Variants in ATG10 observed in about 807,000 individuals in gnomAD.
ATG10 encodes autophagy related 10.
A neutral mutation model predicts 32.1 loss-of-function variants in ATG10; 30 were observed. That is an observed-to-expected ratio of 0.94 (90% confidence interval 0.70 to 1.27). The LOEUF is 1.27. Ranked by LOEUF, ATG10 falls within the 50% of genes most tolerant of loss-of-function variation. ATG10 has a pLI of 0.00. For synonymous variants in ATG10, 87 were observed against 91.5 expected, an observed-to-expected ratio of 0.95 and a Z score of 0.28; for missense variants, 233 against 262.3, an observed-to-expected ratio of 0.89 and a Z score of 0.77.
chr5:82,100,023 T>TTTG (rs1765212441), intron 3 of ATG10, among the ~76,000 whole-genome samples: 1 of 142,520 alleles, frequency 7.0e-6, no homozygotes, highest in African/African-American at 2.6e-5. Flanking sequence ...TTTTTTTTTT[T>TTTG]TTTGAGCTGG....
intron 3 of ATG10, among the ~76,000 whole-genome samples, chr5:82,102,984 CAATT>C (rs1442265883): frequency 3.9e-5 from 6 of 152,128 alleles, no homozygotes; most frequent in East Asian, 1.9e-4. Context: ...CTAAAGATGA[CAATT>C]TATTTTTTTT....
intron 3 of ATG10, among the ~76,000 whole-genome samples, chr5:82,104,975 T>C (rs183286247): frequency 9.9e-5 from 15 of 152,258 alleles, no homozygotes; most frequent in Non-Finnish European, 1.6e-4. Context: ...TTGTGATCAG[T>C]TTATGCTGCA....
chr5:81,984,620 C>A (rs1324601951), intron 1 of ATG10, among the ~76,000 whole-genome samples: 1 of 152,176 alleles, frequency 6.6e-6, no homozygotes, highest in Admixed American at 6.5e-5. Context: ...ATTATTCTTG[C>A]CATTATTGCT....
chr5:82,083,751 C>T (rs1236021479), intron 3 of ATG10, among the ~76,000 whole-genome samples: 2 of 152,236 alleles, frequency 1.3e-5, no homozygotes, highest in East Asian at 1.9e-4. Flanking sequence ...AACAGACCTG[C>T]AGTTGAGGGT....
At chr5:82,076,397 T>C (rs1764274093) in intron 3 of ATG10, among the ~76,000 whole-genome samples, 1 of 152,236 alleles carries the variant, frequency 6.6e-6, no homozygotes, top group African/African-American at 2.4e-5. Context: ...AACAGTATTA[T>C]TATTTTTGTG....
intron 2 of ATG10, among the ~76,000 whole-genome samples, chr5:82,020,974 TC>T (rs200787194): frequency 0.03 from 4,567 of 152,096 alleles, 99 homozygotes; most frequent in Middle Eastern, 0.051. Context: ...GGAGTAGAGG[TC>T]CCTTATAAAC....
chr5:82,248,379 C>T (rs1033932759), intron 5 of ATG10, among the ~76,000 whole-genome samples: 1 of 152,208 alleles, frequency 6.6e-6, no homozygotes, highest in Non-Finnish European at 1.5e-5. Flanking sequence ...GCCAGCCCCT[C>T]TGGCTACACA....
intron 3 of ATG10, among the ~76,000 whole-genome samples, chr5:82,072,865 G>A (rs1049742981): frequency 6.6e-6 from 1 of 152,126 alleles, no homozygotes; most frequent in Admixed American, 6.6e-5. Context: ...TAATGTTATG[G>A]ATAATTACAT....
chr5:82,234,079 G>A (rs959508741), intron 5 of ATG10, among the ~76,000 whole-genome samples: 2 of 152,102 alleles, frequency 1.3e-5, no homozygotes, highest in South Asian at 2.1e-4. Flanking sequence ...AGATAAGGGC[G>A]ATTTTAGTAA....
chr5:82,008,909 A>T (rs907624447), intron 2 of ATG10, among the ~76,000 whole-genome samples: 1 of 152,220 alleles, frequency 6.6e-6, no homozygotes, highest in Non-Finnish European at 1.5e-5. Flanking sequence ...AAATGTATTA[A>T]TTTATAATAA....
chr5:82,131,109 A>G (rs958560551), intron 3 of ATG10, among the ~76,000 whole-genome samples: 13 of 152,140 alleles, frequency 8.5e-5, no homozygotes, highest in African/African-American at 3.1e-4. Flanking sequence ...AAAACTACCT[A>G]TCAGGAACTA....
chr5:82,205,095 GT>G (rs1255431226), intron 5 of ATG10, among the ~76,000 whole-genome samples: 2 of 152,196 alleles, frequency 1.3e-5, no homozygotes, highest in African/African-American at 4.8e-5. Context: ...CTGGAGGCAT[GT>G]TTTTTGTTTG....
At chr5:82,041,761 A>T (rs1255049571) in intron 2 of ATG10, among the ~76,000 whole-genome samples, 1 of 151,942 alleles carries the variant, frequency 6.6e-6, no homozygotes, top group Admixed American at 6.6e-5. Context: ...TTTTTAGGCC[A>T]CTTATGTCTC....
intron 2 of ATG10, among the ~76,000 whole-genome samples, chr5:82,015,645 A>G (rs937616748): frequency 1.3e-5 from 2 of 152,166 alleles, no homozygotes; most frequent in African/African-American, 4.8e-5. Flanking sequence ...TGCATTCATC[A>G]TATAGTTCTC....
intron 5 of ATG10, among the ~76,000 whole-genome samples, chr5:82,181,100 T>C (rs1212056034): frequency 6.6e-6 from 1 of 152,110 alleles, no homozygotes; most frequent in African/African-American, 2.4e-5. Flanking sequence ...CGTAGTACGG[T>C]ATTACAGATC....
At position 82,001,296 on chromosome 5, in the gene ATG10, A is replaced by G. The variant is rs115909044; in HGVS notation, c.108+13618A>G. On this transcript the variant is annotated intron_variant, in intron 2 of 7. Coordinates refer to ENST00000282185, the MANE Select transcript of ATG10 (RefSeq NM_031482.5). ...GACATTCTTCAGAGAATTAGAAAAA[A>G]CAGTTTTAAAATTCATATGGAACCA... 3.2e-3 allele frequency among the ~76,000 whole-genome samples: 486 copies of G among 152,294 alleles called. 1 individual carries two copies. The highest frequency in any genetic ancestry group is 0.011 in the African/African-American group (463 of 41,570).
chr5:82,211,894 C>A (rs1274401701), intron 5 of ATG10, among the ~76,000 whole-genome samples: 1 of 151,700 alleles, frequency 6.6e-6, no homozygotes, highest in Non-Finnish European at 1.5e-5. Flanking sequence ...GGCCAATAAT[C>A]ATTCTCTTTC....
intron 5 of ATG10, among the ~76,000 whole-genome samples, chr5:82,224,675 G>A (rs1333386645): frequency 6.6e-6 from 1 of 152,132 alleles, no homozygotes; most frequent in African/African-American, 2.4e-5. Flanking sequence ...TAGAGTGAAA[G>A]GAGGGTGTTT....
intron 1 of ATG10, 146 bp from the exon 2 acceptor site, chr5:81,987,413 C>A (rs906295022): frequency 6.4e-5 from 36 of 563,406 alleles, no homozygotes; most frequent in Middle Eastern, 4.9e-4. Context: ...ATGTGAGCCA[C>A]CACGCCTGGC....
Sources: allele counts gnomAD v4.1 joint callset (sites outside exome capture counted in the v4.1 genomes callset), GRCh38; gene constraint gnomAD v4.1.1; transcripts MANE v1.5; gene names NCBI Gene and HGNC (gene_info 2026-07-23, HGNC 2026-07-21).